The following TAOK3 variants were observed in gnomAD, a reference collection of about 807,000 sequenced individuals.
TAOK3 encodes serine/threonine-protein kinase TAO3.
In TAOK3, 40 loss-of-function variants were observed where a neutral mutation model predicts 120.4. The observed-to-expected ratio is 0.33, with a 90% CI of 0.26 to 0.43. The LOEUF (loss-of-function observed/expected upper bound fraction) is 0.43, where lower values mean the gene tolerates loss of function less well. Among genes scored for constraint, TAOK3 ranks in the 20% least tolerant of loss-of-function variants. The pLI is 1.00. For missense variants in TAOK3, 821 were observed against 1,112.1 expected, an observed-to-expected ratio of 0.74 and a Z score of 3.72; for synonymous variants, 355 against 387.5, an observed-to-expected ratio of 0.92 and a Z score of 0.99.
chr12:118,334,883 C>CAAA (rs551811228), intron 1 of TAOK3, among the ~76,000 whole-genome samples: 1 of 95,224 alleles, frequency 1.1e-5, no homozygotes. Context: ...ACTCCGTCTC[C>CAAA]AAAAAAAAAA....
At chr12:118,313,256 T>C (rs2043326072) in intron 1 of TAOK3, among the ~76,000 whole-genome samples, 1 of 152,040 alleles carries the variant, frequency 6.6e-6, no homozygotes, top group Non-Finnish European at 1.5e-5. Context: ...TTCTTTTCTC[T>C]TCTTTTTTAT....
intron 19 of TAOK3, among the ~76,000 whole-genome samples, chr12:118,154,371 T>G (rs2034659065): frequency 1.3e-5 from 2 of 152,234 alleles, no homozygotes; most frequent in African/African-American, 4.8e-5. Flanking sequence ...GGCCCAGTGC[T>G]AGAAATCAGA....
intron 9 of TAOK3, among the ~76,000 whole-genome samples, chr12:118,214,974 G>C (rs1056713307): frequency 2.0e-5 from 3 of 151,460 alleles, no homozygotes; most frequent in Non-Finnish European, 3.0e-5. Flanking sequence ...TGAACTCCCA[G>C]CCTCAGGTGA....
intron 1 of TAOK3, among the ~76,000 whole-genome samples, chr12:118,289,237 T>G (rs1416330204): frequency 7.1e-6 from 1 of 140,030 alleles, no homozygotes; most frequent in Non-Finnish European, 1.5e-5. Flanking sequence ...AGGTTGAGGC[T>G]GCAGTGATCT....
intron 13 of TAOK3, among the ~76,000 whole-genome samples, chr12:118,197,839 C>T (rs186654650): frequency 2.0e-5 from 3 of 152,152 alleles, no homozygotes; most frequent in Admixed American, 1.3e-4. Context: ...AGGTGCCTAC[C>T]ACCACACCCG....
At chr12:118,278,635 T>C (rs2041986192) in intron 1 of TAOK3, among the ~76,000 whole-genome samples, 8 of 152,156 alleles carry the variant, frequency 5.3e-5, no homozygotes, top group Admixed American at 5.2e-4. Flanking sequence ...AGTAGAATGA[T>C]TCATATTCCT....
chr12:118,196,005 G>T (rs1219610456), intron 13 of TAOK3, among the ~76,000 whole-genome samples: 1 of 151,766 alleles, frequency 6.6e-6, no homozygotes, highest in South Asian at 2.1e-4. Flanking sequence ...AACTGAGATC[G>T]CGCCACTGCA....
intron 1 of TAOK3, among the ~76,000 whole-genome samples, chr12:118,368,778 C>T (rs2045815610): frequency 6.7e-6 from 1 of 148,660 alleles, no homozygotes; most frequent in Admixed American, 6.7e-5. Context: ...TGCACTCCAG[C>T]CTGGGCGACA....
At chr12:118,227,264 ATTATG>A (rs2039551551) in intron 9 of TAOK3, among the ~76,000 whole-genome samples, 1 of 146,214 alleles carries the variant, frequency 6.8e-6, no homozygotes, top group South Asian at 2.2e-4. Flanking sequence ...ATAATATAAA[ATTATG>A]TTATAATTTT....
At position 118,152,310 on chromosome 12, in the gene TAOK3, T is replaced by C. The variant is rs772771240; in HGVS notation, c.2452A>G (p.Met818Val). The change falls in exon 20 of 21, where the codon ATG (methionine) becomes GTG (valine). Residue 818 changes from methionine to valine, a missense_variant. Around this residue, in one of 2 missense-constraint regions of TAOK3, gnomAD observed 354 missense variants for 572.1 expected, o/e 0.62. Coordinates refer to ENST00000392533, the MANE Select transcript of TAOK3 (RefSeq NM_016281.4). The part of the protein sequence containing the change: ...LLNAYQSKIK[M>V]QTEAQHEREL... ...CGTTCATGTTGTGCCTCTGTTTGCATCTTGATTTTGCTCTGGTAGGCGTTG... is the reference window on the plus strand; with the variant it reads ...CGTTCATGTTGTGCCTCTGTTTGCACCTTGATTTTGCTCTGGTAGGCGTTG... 1 of 1,614,208 alleles carries C rather than the reference T, an allele frequency of 6.2e-7. No individual in the cohort carries two copies. Among genetic ancestry groups the C allele is most frequent in the Non-Finnish European group, 8.5e-7 (1 of 1,180,038 alleles).
Position 118,278,341 on chromosome 12 carries a change from G to A in TAOK3, c.-193-11582C>T, listed in dbSNP as rs551183901. ...CCTGGTGTCTGTGATTCCCTTCTTT[G>A]TATCCAAATGTACTCAGTATTTAGC... On this transcript the variant is annotated intron_variant, in intron 1 of 20. Coordinates refer to ENST00000392533, the MANE Select transcript of TAOK3 (RefSeq NM_016281.4). Among the ~76,000 whole-genome samples the A allele has an allele frequency of 8.6e-5, 13 of 151,970 alleles. No individual in the cohort carries two copies. The South Asian group carries it at 2.5e-3, about 29-fold the overall frequency.
chr12:118,299,650 G>A (rs2140667966), intron 1 of TAOK3, among the ~76,000 whole-genome samples: 1 of 152,100 alleles, frequency 6.6e-6, no homozygotes, highest in South Asian at 2.1e-4. Context: ...GCTGGGACTA[G>A]AGGTGCACAC....
In TAOK3 at chr12:118,201,563, A is replaced by G; in HGVS notation, c.820-100T>C. 4.9e-6 allele frequency: 5 copies of G among 1,019,826 alleles called. No individual in the cohort carries two copies. The South Asian group carries it at 1.1e-4, about 23-fold the overall frequency. 63.2% of individuals were successfully genotyped at this position (1,019,826 alleles called of 1,614,324 possible). A position where few individuals can be genotyped will look rare whatever the true frequency, so the allele number is the denominator to read the frequency against. ...AAATAGAGAATCATAAAATAGTTCTATGGATATTACAGAAATAACAAAATA... is the reference window on the plus strand; with the variant it reads ...AAATAGAGAATCATAAAATAGTTCTGTGGATATTACAGAAATAACAAAATA... On this transcript the variant is annotated intron_variant, in intron 11 of 20. Coordinates refer to ENST00000392533, the MANE Select transcript of TAOK3 (RefSeq NM_016281.4).
chr12:118,224,731 T>G (rs1212308081), intron 9 of TAOK3, among the ~76,000 whole-genome samples: 1 of 152,190 alleles, frequency 6.6e-6, no homozygotes, highest in Non-Finnish European at 1.5e-5. Flanking sequence ...AGTTTGATCT[T>G]TAGGAAAGAA....
chr12:118,355,359 A>C (rs1342023391), intron 1 of TAOK3, among the ~76,000 whole-genome samples: 1 of 152,224 alleles, frequency 6.6e-6, no homozygotes, highest in African/African-American at 2.4e-5. Flanking sequence ...TAAGAAATCA[A>C]CACTTCACCA....
At chr12:118,366,976 G>T (rs1246323528) in intron 1 of TAOK3, among the ~76,000 whole-genome samples, 2 of 152,136 alleles carry the variant, frequency 1.3e-5, no homozygotes, top group Non-Finnish European at 2.9e-5. Context: ...TGTAATCCCA[G>T]CTATGAGAGA....
chr12:118,255,388 A>G (rs2040937385), intron 3 of TAOK3, 60 bp downstream of exon 3: 2 of 1,580,782 alleles, frequency 1.3e-6, no homozygotes, highest in South Asian at 2.3e-5. Context: ...TCACTGTGCC[A>G]GGCCTAGAGT....
chr12:118,304,657 C>G (rs565702492), intron 1 of TAOK3, among the ~76,000 whole-genome samples: 2 of 152,060 alleles, frequency 1.3e-5, no homozygotes, highest in Admixed American at 6.6e-5. Context: ...AAGGCTTTTG[C>G]TTTTTGAATG....
chr12:118,318,934 A>C (rs1197270790), intron 1 of TAOK3, among the ~76,000 whole-genome samples: 1 of 152,234 alleles, frequency 6.6e-6, no homozygotes, highest in Non-Finnish European at 1.5e-5. Context: ...ACATGGATGA[A>C]CATAGAGAAC....
Sources: gnomAD v4.1 joint callset for allele counts (sites outside exome capture counted in the v4.1 genomes callset) on GRCh38, gnomAD v4.1.1 for gene constraint, gnomAD v4.1.1 regional missense constraint, MANE v1.5 for transcripts, NCBI Gene and HGNC (gene_info 2026-07-23, HGNC 2026-07-21) for gene names.